The following FAM107B variants were observed in gnomAD, a reference collection of about 807,000 sequenced individuals.
The protein encoded by FAM107B is family with sequence similarity 107 member B.
A neutral mutation model predicts 31.5 loss-of-function variants in FAM107B; 21 were observed. That is an observed-to-expected ratio of 0.67 (90% CI 0.47 to 0.96). The LOEUF is 0.96. Ranked by LOEUF, FAM107B falls within the 40% of genes least tolerant of loss-of-function variation. The pLI is 0.00. For synonymous variants in FAM107B, 157 were observed against 141.5 expected, an observed-to-expected ratio of 1.11 and a Z score of -0.78; for missense variants, 452 against 377.1, an observed-to-expected ratio of 1.20 and a Z score of -1.64.
At chr10:14,746,651 A>C (rs1294951409) in intron 1 of FAM107B, among the ~76,000 whole-genome samples, 1 of 152,172 alleles carries the variant, frequency 6.6e-6, no homozygotes, top group African/African-American at 2.4e-5. Flanking sequence ...TTGGGTTTCT[A>C]CTGAGAGGTC....
At chr10:14,694,017 C>T (rs571171155) in intron 1 of FAM107B, among the ~76,000 whole-genome samples, 3 of 152,220 alleles carry the variant, frequency 2.0e-5, no homozygotes, top group Admixed American at 6.5e-5. Context: ...TATTGCTCTC[C>T]GGGTTCATCT....
intron 1 of FAM107B, chr10:14,723,613 C>G (rs530002390): frequency 2.9e-6 from 2 of 695,670 alleles, no homozygotes; most frequent in African/African-American, 3.5e-5. Context: ...ATCTGTGTGA[C>G]ACAGAGCAAT....
chr10:14,558,335 G>A (rs899706067), intron 2 of FAM107B, among the ~76,000 whole-genome samples: 3 of 152,136 alleles, frequency 2.0e-5, no homozygotes, highest in African/African-American at 7.2e-5. Flanking sequence ...GCTCCAATTT[G>A]CTCCCTCTAG....
intron 3 of FAM107B, among the ~76,000 whole-genome samples, chr10:14,526,204 C>T (rs959196992): frequency 6.6e-6 from 1 of 152,228 alleles, no homozygotes; most frequent in Non-Finnish European, 1.5e-5. Context: ...GACAGAGTCT[C>T]GCTCTATTGC....
At chr10:14,731,318 A>T (rs1206428016) in intron 1 of FAM107B, among the ~76,000 whole-genome samples, 1 of 152,104 alleles carries the variant, frequency 6.6e-6, no homozygotes, top group Non-Finnish European at 1.5e-5. Flanking sequence ...TCCCAGCAGT[A>T]TGGGGGGCCG....
In FAM107B at chr10:14,521,250, C is replaced by T. The variant is rs1330359386; in HGVS notation, c.861G>A (p.Val287=). The change falls in exon 5 of 5, where the codon GTG becomes GTA. Residue 287 remains valine, a synonymous_variant. Transcript: ENST00000181796. ...QEEQENAPEF[V]KVKGNLRRTG... Reference sequence around the variant, plus strand: ...TTCTCCTGAGATTGCCTTTCACCTTCACAAACTCGGGGGCATTTTCTTGCT... The same window carrying T: ...TTCTCCTGAGATTGCCTTTCACCTTTACAAACTCGGGGGCATTTTCTTGCT... 1 of 1,614,196 alleles carries T rather than the reference C, an allele frequency of 6.2e-7. No homozygotes were observed. The highest frequency in any genetic ancestry group is 1.7e-5 in the Admixed American group (1 of 60,022).
chr10:14,629,883 T>G (rs1037319887), intron 2 of FAM107B, among the ~76,000 whole-genome samples: 1 of 152,134 alleles, frequency 6.6e-6, no homozygotes, highest in African/African-American at 2.4e-5. Flanking sequence ...AAAAAAAACA[T>G]GATTTTTACA....
intron 1 of FAM107B, among the ~76,000 whole-genome samples, chr10:14,668,225 A>G (rs1280721832): frequency 6.6e-6 from 1 of 151,836 alleles, no homozygotes; most frequent in Non-Finnish European, 1.5e-5. Context: ...TTGTATTTTT[A>G]GTAGAGACGG....
chr10:14,705,023 C>CAAAG (rs368451646), intron 1 of FAM107B, among the ~76,000 whole-genome samples: 268 of 87,914 alleles, frequency 3.0e-3, no homozygotes, highest in African/African-American at 0.012. Context: ...GACCCTGTCA[C>CAAAG]AAAAAAAAAA....
chr10:14,693,836 T>C (rs1260367170), intron 1 of FAM107B, among the ~76,000 whole-genome samples: 1 of 152,224 alleles, frequency 6.6e-6, no homozygotes, highest in African/African-American at 2.4e-5. Context: ...TTTTTTTCCA[T>C]ATGTAAGTGA....
intron 1 of FAM107B, among the ~76,000 whole-genome samples, chr10:14,757,457 C>T (rs1832953456): frequency 6.6e-6 from 1 of 152,096 alleles, no homozygotes; most frequent in Non-Finnish European, 1.5e-5. Flanking sequence ...TCTCTCTGTT[C>T]TGTGTTCTCT....
At chr10:14,562,035 C>G (rs113197394) in intron 2 of FAM107B, among the ~76,000 whole-genome samples, 1 of 152,152 alleles carries the variant, frequency 6.6e-6, no homozygotes, top group Admixed American at 6.5e-5. Flanking sequence ...ATCCACCCGC[C>G]TTGGCCTCCC....
intron 1 of FAM107B, among the ~76,000 whole-genome samples, chr10:14,725,872 C>CTGGAGTG (rs1056820124): frequency 2.6e-4 from 34 of 133,094 alleles, no homozygotes; most frequent in Non-Finnish European, 4.0e-4. Context: ...GTTGCCCAGG[C>CTGGAGTG]TGGAGTGCAG....
At chr10:14,691,016 G>A (rs377132756) in intron 1 of FAM107B, among the ~76,000 whole-genome samples, 6 of 151,978 alleles carry the variant, frequency 3.9e-5, no homozygotes, top group East Asian at 1.9e-4. Flanking sequence ...CACGGTCTTC[G>A]TGACAACATT....
chr10:14,582,580 T>C (rs1014017077), intron 2 of FAM107B, among the ~76,000 whole-genome samples: 2 of 151,698 alleles, frequency 1.3e-5, no homozygotes, highest in Non-Finnish European at 2.9e-5. Flanking sequence ...GGTTTCACCA[T>C]GTTAACCAGG....
chr10:14,539,366 C>A (rs7083741), intron 2 of FAM107B, among the ~76,000 whole-genome samples: 6 of 152,072 alleles, frequency 3.9e-5, no homozygotes, highest in African/African-American at 1.4e-4. Flanking sequence ...GCTTTCCATG[C>A]AAACTAGCAA....
At position 14,735,969 on chromosome 10, in the gene FAM107B, G is replaced by A. The variant is rs1856290502; in HGVS notation, c.411+38284C>T. ...TTATTACAAGAAACCTAAGAGGAAG[G>A]TAGGGAATGATTATAGGTTAAATGC... On this transcript the variant is annotated intron_variant, in intron 1 of 4. Coordinates refer to ENST00000181796, the MANE Select transcript of FAM107B (RefSeq NM_031453.4). Among the ~76,000 whole-genome samples, 3 of 152,142 alleles carry A rather than the reference G, an allele frequency of 2.0e-5. No individual in the cohort carries two copies. In the South Asian group the frequency reaches 6.2e-4, roughly 32 times the overall value.
At chr10:14,590,271 T>C (rs1851972386) in intron 2 of FAM107B, among the ~76,000 whole-genome samples, 2 of 152,248 alleles carry the variant, frequency 1.3e-5, no homozygotes, top group South Asian at 4.1e-4. Flanking sequence ...CACATCTTTC[T>C]TTTAGGACTT....
chr10:14,716,185 T>A (rs1200838968), intron 1 of FAM107B, among the ~76,000 whole-genome samples: 1 of 152,220 alleles, frequency 6.6e-6, no homozygotes, highest in African/African-American at 2.4e-5. Flanking sequence ...TGGAGAGTCC[T>A]AATATATTGG....
Sources: allele counts gnomAD v4.1 joint callset (sites outside exome capture counted in the v4.1 genomes callset), GRCh38; gene constraint gnomAD v4.1.1; transcripts MANE v1.5; gene names NCBI Gene and HGNC (gene_info 2026-07-23, HGNC 2026-07-21).